NIPAL2: variants seen among roughly 807,000 people sequenced by gnomAD.
NIPAL2 encodes the protein NIPA like domain containing 2.
A neutral mutation model predicts 48.9 loss-of-function variants in NIPAL2; 43 were observed. That is an observed-to-expected ratio of 0.88 (90% CI 0.69 to 1.13). NIPAL2 has a LOEUF of 1.13. Ranked by LOEUF, NIPAL2 falls within the 50% of genes most tolerant of loss-of-function variation. The probability of loss-of-function intolerance (pLI) is 0.00; values close to 1 mark genes in which losing one functional copy is unlikely to be tolerated. For missense variants in NIPAL2, 446 were observed against 461.4 expected, an observed-to-expected ratio of 0.97 and a Z score of 0.31; for synonymous variants, 167 against 174.6, an observed-to-expected ratio of 0.96 and a Z score of 0.34.
chr8:98,205,608 A>G (rs1810993629), intron 6 of NIPAL2, among the ~76,000 whole-genome samples: 1 of 152,208 alleles, frequency 6.6e-6, no homozygotes, highest in African/African-American at 2.4e-5. Context: ...AAGAAAAGTC[A>G]GATTGTCCAT....
At chr8:98,259,045 T>C (rs190433198) in intron 1 of NIPAL2, among the ~76,000 whole-genome samples, 1 of 150,672 alleles carries the variant, frequency 6.6e-6, no homozygotes. Flanking sequence ...AAGACAGCAT[T>C]ATGCTGCTGT....
intron 5 of NIPAL2, among the ~76,000 whole-genome samples, chr8:98,213,930 A>T (rs1199804811): frequency 6.6e-6 from 1 of 152,148 alleles, no homozygotes; most frequent in African/African-American, 2.4e-5. Context: ...CAGGAATCTT[A>T]CCTACTCTTT....
intron 3 of NIPAL2, among the ~76,000 whole-genome samples, chr8:98,243,361 T>A (rs1272945040): frequency 1.3e-5 from 2 of 152,130 alleles, no homozygotes; most frequent in African/African-American, 4.8e-5. Context: ...TGAAAATAGA[T>A]AAAATAAAGG....
At chr8:98,237,913 A>G (rs1448987496) in intron 3 of NIPAL2, among the ~76,000 whole-genome samples, 1 of 152,228 alleles carries the variant, frequency 6.6e-6, no homozygotes, top group Non-Finnish European at 1.5e-5. Flanking sequence ...AGTTCCTTTT[A>G]ATCTGAGATA....
At chr8:98,262,983 A>G (rs1361091534) in intron 1 of NIPAL2, among the ~76,000 whole-genome samples, 2 of 148,434 alleles carry the variant, frequency 1.3e-5, no homozygotes, top group Non-Finnish European at 3.0e-5. Flanking sequence ...CTCACTCAAA[A>G]CCGCTCAACT....
At chr8:98,283,727 C>A (rs117107867) in intron 1 of NIPAL2, among the ~76,000 whole-genome samples, 1 of 152,136 alleles carries the variant, frequency 6.6e-6, no homozygotes, top group Non-Finnish European at 1.5e-5. Context: ...CCTGGGTTTC[C>A]GGAGTGCATA....
intron 7 of NIPAL2, among the ~76,000 whole-genome samples, chr8:98,203,654 C>T (rs1810903605): frequency 6.6e-6 from 1 of 152,214 alleles, no homozygotes; most frequent in Admixed American, 6.5e-5. Flanking sequence ...CTGCAGAGCA[C>T]ATGTGGGAGC....
chr8:98,259,069 C>CCTTTAAATATT (rs1814105127), intron 1 of NIPAL2, among the ~76,000 whole-genome samples: 1 of 89,396 alleles, frequency 1.1e-5, no homozygotes, highest in Non-Finnish European at 2.1e-5. Context: ...TTTAAATATT[C>CCTTTAAATATT]CTTTTTTTTT....
chr8:98,236,360 G>C (rs927614594), intron 3 of NIPAL2, 146 bp from the exon 4 acceptor site: 8 of 539,582 alleles, frequency 1.5e-5, no homozygotes, highest in Non-Finnish European at 2.7e-5. Context: ...GCTATAAAAA[G>C]GCCTTTCTTC....
chr8:98,233,517 C>T (rs1372513359), intron 4 of NIPAL2, among the ~76,000 whole-genome samples: 1 of 152,128 alleles, frequency 6.6e-6, no homozygotes, highest in African/African-American at 2.4e-5. Flanking sequence ...ATCTTCAAAA[C>T]TGTCTTACAT....
intron 1 of NIPAL2, among the ~76,000 whole-genome samples, chr8:98,269,831 T>C (rs1815017805): frequency 6.6e-6 from 1 of 152,118 alleles, no homozygotes; most frequent in Admixed American, 6.6e-5. Context: ...TTTTTTTAAC[T>C]CTTGCCCCCT....
At chr8:98,202,041 T>C (rs1206389523) in intron 8 of NIPAL2, among the ~76,000 whole-genome samples, 1 of 152,210 alleles carries the variant, frequency 6.6e-6, no homozygotes, top group Non-Finnish European at 1.5e-5. Context: ...GTACCAAATA[T>C]AGAAATGGTA....
At chr8:98,275,821 T>C (rs1815424821) in intron 1 of NIPAL2, among the ~76,000 whole-genome samples, 1 of 152,206 alleles carries the variant, frequency 6.6e-6, no homozygotes, top group Admixed American at 6.5e-5. Context: ...AAAGCTTCCA[T>C]TTGTTTTAAC....
intron 1 of NIPAL2, among the ~76,000 whole-genome samples, chr8:98,280,533 C>T (rs2130899383): frequency 6.6e-6 from 1 of 151,692 alleles, no homozygotes; most frequent in East Asian, 1.9e-4. Context: ...CATGGGTGTT[C>T]AGCTCACCCC....
chr8:98,256,988 C>A (rs1813935501), intron 1 of NIPAL2, among the ~76,000 whole-genome samples: 1 of 152,112 alleles, frequency 6.6e-6, no homozygotes, highest in Non-Finnish European at 1.5e-5. Context: ...AAGGAAATTT[C>A]AATATACACT....
intron 5 of NIPAL2, among the ~76,000 whole-genome samples, chr8:98,220,379 T>C (rs1223009172): frequency 6.6e-6 from 1 of 152,094 alleles, no homozygotes; most frequent in Non-Finnish European, 1.5e-5. Context: ...CATTTCTAAT[T>C]CTAAAAATGT....
intron 1 of NIPAL2, among the ~76,000 whole-genome samples, chr8:98,268,557 G>T (rs1380445400): frequency 1.3e-5 from 2 of 151,358 alleles, no homozygotes; most frequent in East Asian, 3.9e-4. Context: ...AGAGGTGGAG[G>T]TTGCAGTGAG....
intron 1 of NIPAL2, among the ~76,000 whole-genome samples, chr8:98,275,970 CA>C: frequency 6.6e-6 from 1 of 152,272 alleles, no homozygotes; most frequent in African/African-American, 2.4e-5. Flanking sequence ...AGGTTCACAG[CA>C]AAATTGAGAG....
intron 5 of NIPAL2, among the ~76,000 whole-genome samples, chr8:98,215,538 T>C (rs1811531636): frequency 6.6e-6 from 1 of 152,206 alleles, no homozygotes; most frequent in Non-Finnish European, 1.5e-5. Context: ...AGCTTCCTGT[T>C]ACGAATTCGT....
Sources: allele counts gnomAD v4.1 joint callset (sites outside exome capture counted in the v4.1 genomes callset), GRCh38; gene constraint gnomAD v4.1.1; transcripts MANE v1.5; gene names NCBI Gene and HGNC (gene_info 2026-07-23, HGNC 2026-07-21).